ARHGAP24: variants seen among roughly 807,000 people sequenced by gnomAD.
The protein encoded by ARHGAP24 is rho GTPase-activating protein 24.
In ARHGAP24, 50 loss-of-function variants were observed where a neutral mutation model predicts 76.4. The observed-to-expected ratio is 0.65, with a 90% CI of 0.52 to 0.83. The LOEUF (loss-of-function observed/expected upper bound fraction) is 0.83. ARHGAP24 is among the 40% of genes least tolerant of loss of function. The pLI is 0.00. For missense variants in ARHGAP24, 930 were observed against 914.2 expected (o/e 1.02, Z -0.22); for synonymous variants, 345 against 323.3 (o/e 1.07, Z -0.72).
intron 4 of ARHGAP24, chr4:85,931,126 A>C (rs770856962): frequency 7.1e-7 from 1 of 1,416,256 alleles, no homozygotes; most frequent in Non-Finnish European, 9.5e-7. Context: ...GCTCAGATAA[A>C]ATGGGAGTTT....
chr4:85,777,232 C>T (rs76624211), intron 3 of ARHGAP24, among the ~76,000 whole-genome samples: 26,292 of 152,114 alleles, frequency 0.17, 3,104 homozygotes, highest in East Asian at 0.65. Flanking sequence ...ATATTAATTA[C>T]ATTTTATAAT....
chr4:85,977,732 G>A lies in ARHGAP24; in HGVS notation c.928+41G>A, dbSNP rs1259506223. ...TCTTATACCCTTATCAAAAGAAGAA[G>A]TAATTATCTCTTGACTGGCCAGAAT... is the stretch of plus-strand genomic sequence containing the variant. On this transcript the variant is annotated intron_variant, in intron 8 of 9. Coordinates refer to ENST00000395184, the MANE Select transcript of ARHGAP24 (RefSeq NM_001025616.3). The A allele has an allele frequency of 1.1e-5, 18 of 1,606,342 alleles. No homozygotes were observed. The East Asian group carries it at 3.8e-4, about 34-fold the overall frequency.
At chr4:85,610,823 C>T (rs1461258865) in intron 2 of ARHGAP24, among the ~76,000 whole-genome samples, 8 of 152,096 alleles carry the variant, frequency 5.3e-5, no homozygotes, top group Non-Finnish European at 7.3e-5. Flanking sequence ...ATTTTGGTGG[C>T]TCTTACATTT....
chr4:85,953,853 T>A (rs1047230472), intron 5 of ARHGAP24, among the ~76,000 whole-genome samples: 1 of 152,038 alleles, frequency 6.6e-6, no homozygotes, highest in Non-Finnish European at 1.5e-5. Flanking sequence ...AGATCTGGAT[T>A]CCAAGGGAAG....
intron 1 of ARHGAP24, among the ~76,000 whole-genome samples, chr4:85,475,773 CTG>C (rs1273630338): frequency 1.3e-5 from 2 of 148,492 alleles, no homozygotes; most frequent in Admixed American, 1.3e-4. Context: ...TGTAGCCTGT[CTG>C]TGTTTGTGTG....
intron 3 of ARHGAP24, among the ~76,000 whole-genome samples, chr4:85,910,578 C>T (rs999808272): frequency 3.9e-5 from 6 of 152,118 alleles, no homozygotes; most frequent in Admixed American, 6.5e-5. Flanking sequence ...CAGGTCGTCC[C>T]GTCATGTCTG....
At chr4:85,853,651 G>A (rs1013266982) in intron 3 of ARHGAP24, among the ~76,000 whole-genome samples, 3 of 152,156 alleles carry the variant, frequency 2.0e-5, no homozygotes, top group Non-Finnish European at 4.4e-5. Flanking sequence ...ACCTGGCCGA[G>A]CACAGTGGCT....
intron 5 of ARHGAP24, among the ~76,000 whole-genome samples, chr4:85,952,893 A>G (rs2148833972): frequency 6.6e-6 from 1 of 152,352 alleles, no homozygotes; most frequent in Admixed American, 6.5e-5. Context: ...TTTAGAAATG[A>G]AAACAAATTA....
intron 2 of ARHGAP24, among the ~76,000 whole-genome samples, chr4:85,655,430 A>T (rs931805641): frequency 2.6e-5 from 4 of 152,246 alleles, no homozygotes; most frequent in African/African-American, 9.6e-5. Flanking sequence ...ATTTGGTTTA[A>T]TAACTGCCAG....
chr4:85,864,307 A>G (rs1264167870), intron 3 of ARHGAP24, among the ~76,000 whole-genome samples: 2 of 152,106 alleles, frequency 1.3e-5, no homozygotes, highest in Non-Finnish European at 1.5e-5. Flanking sequence ...TAACTCCTAT[A>G]TCACTTGGGG....
chr4:85,548,948 A>G (rs1383663095), intron 1 of ARHGAP24, among the ~76,000 whole-genome samples: 3 of 152,002 alleles, frequency 2.0e-5, no homozygotes, highest in African/African-American at 7.3e-5. Flanking sequence ...TCTTTCACTC[A>G]TTATAATGAC....
At chr4:85,936,721 G>C (rs949672153) in intron 4 of ARHGAP24, among the ~76,000 whole-genome samples, 1 of 152,150 alleles carries the variant, frequency 6.6e-6, no homozygotes, top group African/African-American at 2.4e-5. Flanking sequence ...GTCTAGAGTA[G>C]GGGATGAGGC....
intron 3 of ARHGAP24, among the ~76,000 whole-genome samples, chr4:85,897,975 T>G (rs1369117998): frequency 6.7e-6 from 1 of 148,664 alleles, no homozygotes; most frequent in African/African-American, 2.5e-5. Context: ...GAAATTTACC[T>G]CTAATACACA....
chr4:85,644,511 A>G (rs1721648412), intron 2 of ARHGAP24, among the ~76,000 whole-genome samples: 1 of 152,168 alleles, frequency 6.6e-6, no homozygotes, highest in Non-Finnish European at 1.5e-5. Flanking sequence ...ATTTCTTTAT[A>G]GGGTCATTTA....
chr4:85,667,458 G>C (rs1335305275), intron 2 of ARHGAP24, among the ~76,000 whole-genome samples: 1 of 152,166 alleles, frequency 6.6e-6, no homozygotes, highest in Non-Finnish European at 1.5e-5. Context: ...TCCTGAGGGA[G>C]GCAATGCCTT....
chr4:85,697,750 A>G (rs1723923100), intron 2 of ARHGAP24, among the ~76,000 whole-genome samples: 1 of 152,226 alleles, frequency 6.6e-6, no homozygotes, highest in African/African-American at 2.4e-5. Context: ...CTCCAGGTTA[A>G]GTGATGAGCA....
At position 85,487,864 on chromosome 4, in the gene ARHGAP24, T is replaced by TA. The variant is rs1723186214; in HGVS notation, c.-21+12305_-21+12306insA. 2.4e-5 allele frequency among the ~76,000 whole-genome samples: 3 copies of TA among 123,934 alleles called. No individual in the cohort carries two copies. In the South Asian group the frequency reaches 6.6e-4, roughly 27 times the overall value. 81.3% of individuals were successfully genotyped at this position (123,934 alleles called of 152,430 possible). On this transcript the variant is annotated intron_variant, in intron 1 of 9. Coordinates refer to ENST00000395184, the MANE Select transcript of ARHGAP24 (RefSeq NM_001025616.3). Reference sequence around the variant, plus strand: ...TATAAATATATATTTATTATATATATTATATAAATATATAATATATATAAT... The same window carrying TA: ...TATAAATATATATTTATTATATATATATATATAAATATATAATATATATAAT...
At chr4:85,642,579 C>T (rs1030264480) in intron 2 of ARHGAP24, among the ~76,000 whole-genome samples, 1 of 151,834 alleles carries the variant, frequency 6.6e-6, no homozygotes, top group Non-Finnish European at 1.5e-5. Context: ...TTCTTTCTCT[C>T]ACAATAGCTC....
chr4:85,487,584 T>A (rs1266357706), intron 1 of ARHGAP24, among the ~76,000 whole-genome samples: 1 of 106,962 alleles, frequency 9.3e-6, no homozygotes, highest in Non-Finnish European at 1.6e-5. Context: ...TTATTACATA[T>A]TATATAAATA....
Sources: gnomAD v4.1 joint callset for allele counts (sites outside exome capture counted in the v4.1 genomes callset) on GRCh38, gnomAD v4.1.1 for gene constraint, MANE v1.5 for transcripts, NCBI Gene and HGNC (gene_info 2026-07-23, HGNC 2026-07-21) for gene names.